ITGAX: variants seen among roughly 807,000 people sequenced by gnomAD.
ITGAX encodes integrin alpha-X.
ITGAX carries 99 observed loss-of-function variants against 140.2 expected under a neutral mutation model. The ratio of observed to expected loss-of-function variants is 0.71; its 90% CI spans 0.60 to 0.83. The LOEUF is 0.83. ITGAX is among the 40% of genes least tolerant of loss of function. The pLI, the probability that ITGAX is intolerant of heterozygous loss-of-function variation, is 0.00. For synonymous variants in ITGAX, 631 were observed against 600.4 expected (o/e 1.05, Z -0.75); for missense variants, 1,444 against 1,482.0 (o/e 0.97, Z 0.42).
chr16:31,377,345 C>A, intron 23 of ITGAX, 80 bp downstream of exon 23: 1 of 1,144,624 alleles, frequency 8.7e-7, no homozygotes, highest in Non-Finnish European at 1.3e-6. Flanking sequence ...CCTTGAAACG[C>A]TGCCACAGAG....
At position 31,359,760 on chromosome 16, in the gene ITGAX, C is replaced by T; in HGVS notation, c.491C>T (p.Ser164Phe). Reference protein sequence around the residue: ...FLIDGSGSISSRNFATMMNFV... With the variant: ...FLIDGSGSISFRNFATMMNFV... Reference sequence around the variant, plus strand: ...ATCGATGGCTCAGGCAGCATCTCCTCCCGCAACTTTGCCACGATGATGAAC... The same window carrying T: ...ATCGATGGCTCAGGCAGCATCTCCTTCCGCAACTTTGCCACGATGATGAAC... Residue 164 changes from serine (S) to phenylalanine (F), a missense_variant, in exon 6 of 30, where the codon TCC (serine) becomes TTC (phenylalanine). Transcript: ENST00000268296. 1 of 1,614,150 alleles carries T rather than the reference C, an allele frequency of 6.2e-7. No individual in the cohort carries two copies. Among genetic ancestry groups the T allele is most frequent in the South Asian group, 1.1e-5 (1 of 91,086 alleles).
At chr16:31,370,786 C>T (rs1414074882) in intron 14 of ITGAX, among the ~76,000 whole-genome samples, 2 of 152,116 alleles carry the variant, frequency 1.3e-5, no homozygotes, top group African/African-American at 4.8e-5. Context: ...CAGATTGAGT[C>T]CTTGCCCACG....
rs2080835397 is a variant in ITGAX, at chr16:31,362,186, A to C, written c.1198A>C (p.Met400Leu). ...FINMSQENVDMRDSYLGYSTE... is the reference protein window; with the variant it reads ...FINMSQENVDLRDSYLGYSTE... ...CAACATGTCTCAGGAGAATGTGGACATGAGGGACTCTTACCTGGGTGAGAA... is the reference window on the plus strand; with the variant it reads ...CAACATGTCTCAGGAGAATGTGGACCTGAGGGACTCTTACCTGGGTGAGAA... The change falls in exon 11 of 30, where the codon ATG (methionine) becomes CTG (leucine). Residue 400 changes from methionine to leucine, a missense_variant. Physicochemically the swap from Met to Leu is conservative, Grantham distance 15. Coordinates refer to ENST00000268296, the MANE Select transcript of ITGAX (RefSeq NM_000887.5). 2 of 1,613,594 alleles carry C rather than the reference A, an allele frequency of 1.2e-6. No homozygotes were observed. The highest frequency in any genetic ancestry group is 1.7e-6 in the Non-Finnish European group (2 of 1,179,738).
rs957994501 is a variant in ITGAX at position 31,371,355 on chromosome 16, G to A, written c.1863G>A (p.Val621=). Residue 621 remains valine (V), a synonymous_variant, in exon 16 of 30, where the codon GTG becomes GTA. Coordinates refer to ENST00000268296, the MANE Select transcript of ITGAX (RefSeq NM_000887.5). ...LLLRTRPVLW[V]GVSMQFIPAE... Reference sequence around the variant, plus strand: ...GCAGGACCAGACCTGTGCTCTGGGTGGGGGTGAGCATGCAGTTCATACCTG... The same window carrying A: ...GCAGGACCAGACCTGTGCTCTGGGTAGGGGTGAGCATGCAGTTCATACCTG... 1.1e-5 allele frequency: 17 copies of A among 1,614,042 alleles called. No individual in the cohort carries two copies. The highest frequency in any genetic ancestry group is 4.0e-5 in the African/African-American group (3 of 74,936).
At chr16:31,377,365 A>G (rs1377116891) in intron 23 of ITGAX, 100 bp downstream of exon 23, 4 of 955,014 alleles carry the variant, frequency 4.2e-6, no homozygotes, top group African/African-American at 1.7e-5. Context: ...GGGTGAGATA[A>G]GGTGTTTGAA....
At position 31,363,369 on chromosome 16, in the gene ITGAX, A is replaced by T; in HGVS notation, c.1705A>T (p.Ser569Cys). The change falls in exon 14 of 30, where the codon AGC (serine) becomes TGC (cysteine). Residue 569 changes from serine to cysteine, a missense_variant. Ser to Cys is a moderately radical substitution (Grantham distance 112). Coordinates refer to ENST00000268296, the MANE Select transcript of ITGAX (RefSeq NM_000887.5). ...VLGPSISPSH[S>C]QRIAGSQLSS... ...GGGACCCAGCATCAGCCCCTCCCAC[A>T]GCCAGGTGAGGCCGTGTCCCATTTC... is the stretch of plus-strand genomic sequence containing the variant. 6.2e-7 allele frequency: 1 copy of T among 1,613,736 alleles called. No individual in the cohort carries two copies. The highest frequency in any genetic ancestry group is 8.5e-7 in the Non-Finnish European group (1 of 1,179,742).
chr16:31,371,265 G>C, intron 15 of ITGAX, 51 bp downstream of exon 15: 2 of 1,606,586 alleles, frequency 1.2e-6, no homozygotes, highest in East Asian at 2.2e-5. Flanking sequence ...GGTTCAGATG[G>C]GGGTGCCCAC....
At position 31,382,426 on chromosome 16, in the gene ITGAX, A is replaced by G; in HGVS notation, c.*519A>G. On this transcript the variant is annotated 3_prime_UTR_variant, in exon 30 of 30. Coordinates refer to ENST00000268296, the MANE Select transcript of ITGAX (RefSeq NM_000887.5). ...TCGCCCGGCCCGATCTTTCTAAAAT[A>G]CAGTTCTGAATATGCTGCTCATCCC... 6.5e-7 allele frequency: 1 copy of G among 1,534,972 alleles called. No homozygotes were observed. Among genetic ancestry groups the G allele is most frequent in the African/African-American group, 1.4e-5 (1 of 73,006 alleles).
In ITGAX at chr16:31,363,198, G is replaced by A. The variant is rs754794366; in HGVS notation, c.1534G>A (p.Gly512Arg). 27 of 1,612,166 alleles carry A rather than the reference G, an allele frequency of 1.7e-5. No homozygotes were observed. The highest frequency in any genetic ancestry group is 2.7e-5 in the African/African-American group (2 of 74,844). ...GTGGTGGTGTGATGCTGTTCTCTAC[G>A]GGGAGCAGGGCCACCCCTGGGGTCG... ...RRWWCDAVLY[G>R]EQGHPWGRFG... Residue 512 changes from glycine (G) to arginine (R), a missense_variant, in exon 14 of 30, where the codon GGG becomes AGG. Coordinates refer to ENST00000268296, the MANE Select transcript of ITGAX (RefSeq NM_000887.5).
Position 31,373,374 on chromosome 16 carries a change from A to G in ITGAX, c.2492A>G (p.Tyr831Cys). Residue 831 changes from tyrosine (Y) to cysteine (C), a missense_variant, in exon 20 of 30, where the codon TAC becomes TGC. By Grantham distance (194) the Tyr-to-Cys change is radical (BLOSUM62 -2). Coordinates refer to ENST00000268296, the MANE Select transcript of ITGAX (RefSeq NM_000887.5). ...FSHPAGLSYR[Y>C]VAEGQKQGQL... ...CACCCCGCAGGACTGTCCTACCGCT[A>G]CGTGGCAGAGGGCCAGGTGCACCCT... 2 of 1,611,734 alleles carry G rather than the reference A, an allele frequency of 1.2e-6. No individual in the cohort carries two copies. Among genetic ancestry groups the G allele is most frequent in the Non-Finnish European group, 1.7e-6 (2 of 1,179,218 alleles).
chr16:31,357,232 A>T, intron 4 of ITGAX, 21 bp from the exon 5 acceptor site: 1 of 1,570,248 alleles, frequency 6.4e-7, no homozygotes, highest in Non-Finnish European at 8.7e-7. Flanking sequence ...GCAGCCCCCC[A>T]GCAGCCCGCT....
Position 31,371,200 on chromosome 16 carries a change from G to A in ITGAX, c.1827G>A (p.Gln609=), listed in dbSNP as rs768706286. Residue 609 remains glutamine, a synonymous_variant, in exon 15 of 30, where the codon CAG becomes CAA. Coordinates refer to ENST00000268296, the MANE Select transcript of ITGAX (RefSeq NM_000887.5). ...LVDLAVGARG[Q]VLLLRTRPVL... Reference sequence around the variant, plus strand: ...ACCTGGCTGTGGGGGCCCGGGGCCAGGTGCTCCTGCTCAGGTGAGAGCAGC... The same window carrying A: ...ACCTGGCTGTGGGGGCCCGGGGCCAAGTGCTCCTGCTCAGGTGAGAGCAGC... 3 of 1,609,746 alleles carry A rather than the reference G, an allele frequency of 1.9e-6. No individual in the cohort carries two copies. Among genetic ancestry groups the A allele is most frequent in the South Asian group, 2.2e-5 (2 of 90,628 alleles).
In ITGAX at chr16:31,371,704, G is replaced by C; in HGVS notation, c.2080G>C (p.Glu694Gln). 6.2e-7 allele frequency: 1 copy of C among 1,614,126 alleles called. No homozygotes were observed. The highest frequency in any genetic ancestry group is 2.2e-5 in the East Asian group (1 of 44,858). Reference sequence around the variant, plus strand: ...CCTGAGTCCCCGTGCCACCTTCCAGGAAACAAAGAACCGGAGTCTGAGCCG... The same window carrying C: ...CCTGAGTCCCCGTGCCACCTTCCAGCAAACAAAGAACCGGAGTCTGAGCCG... ...GRLSPRATFQ[E>Q]TKNRSLSRVR... Residue 694 changes from glutamate (E) to glutamine (Q), a missense_variant, in exon 17 of 30, where the codon GAA (glutamate) becomes CAA (glutamine). Transcript: ENST00000268296.
rs772460810 is a variant in ITGAX at position 31,382,401 on chromosome 16, T to A, written c.*494T>A. 252 of 1,532,060 alleles carry A rather than the reference T, an allele frequency of 1.6e-4. No individual in the cohort carries two copies. The highest frequency in any genetic ancestry group is 2.1e-4 in the Non-Finnish European group (241 of 1,143,776). The allele number at this position is 1,532,060 out of a possible 1,614,324, so 94.9% of individuals were successfully genotyped here. ...GCTGGGACTACAGGCACACGCCACC[T>A]CGCCCGGCCCGATCTTTCTAAAATA... On this transcript the variant is annotated 3_prime_UTR_variant, in exon 30 of 30. Transcript: ENST00000268296.
chr16:31,371,323 T>G lies in ITGAX; in HGVS notation c.1842-11T>G, dbSNP rs1369603464. 2 of 1,613,458 alleles carry G rather than the reference T, an allele frequency of 1.2e-6. No individual in the cohort carries two copies. Among genetic ancestry groups the G allele is most frequent in the Non-Finnish European group, 1.7e-6 (2 of 1,179,632 alleles). ...CGACGGCCTGTCCTCAGCTCGGTGCTCTGCCCGCAGGACCAGACCTGTGCT... is the reference window on the plus strand; with the variant it reads ...CGACGGCCTGTCCTCAGCTCGGTGCGCTGCCCGCAGGACCAGACCTGTGCT... On this transcript the variant is annotated splice_polypyrimidine_tract_variant and intron_variant, in intron 15 of 29. Transcript: ENST00000268296.
In ITGAX at chr16:31,361,213, G is replaced by C. The variant is rs778912379; in HGVS notation, c.1012G>C (p.Gly338Arg). ...GAAGGAGAAGATCTTTGCCATTGAG[G>C]GTGAGTCTGAAGGGAGCTCTTCGCT... The part of the protein sequence containing the change: ...QLKEKIFAIE[G>R]TETTSSSSFE... The change falls in exon 9 of 30, where the codon GGT becomes CGT. Residue 338 changes from glycine (G) to arginine (R), a missense_variant and splice_region_variant. Transcript: ENST00000268296. 2.5e-6 allele frequency: 4 copies of C among 1,610,166 alleles called. No individual in the cohort carries two copies. The highest frequency in any genetic ancestry group is 3.4e-6 in the Non-Finnish European group (4 of 1,177,942).
chr16:31,355,364 C>T (rs2080747808), intron 1 of ITGAX, 73 bp downstream of exon 1: 8 of 1,532,754 alleles, frequency 5.2e-6, no homozygotes, highest in African/African-American at 1.4e-5. Flanking sequence ...ACTGGGGGCT[C>T]AGGCTGGGGG....
intron 14 of ITGAX, among the ~76,000 whole-genome samples, chr16:31,369,289 AC>A (rs34126382): frequency 0.26 from 31,384 of 120,344 alleles, 3,915 homozygotes; most frequent in African/African-American, 0.36. Context: ...CGGGGGGCTG[AC>A]CCCCCCCCCC....
chr16:31,357,421 C>G (rs2080775936), intron 5 of ITGAX, 57 bp downstream of exon 5: 1 of 1,156,006 alleles, frequency 8.7e-7, no homozygotes, highest in Non-Finnish European at 1.3e-6. Context: ...ATTGGGGGTG[C>G]GGTGGGCTAG....
Sources: allele counts gnomAD v4.1 joint callset (sites outside exome capture counted in the v4.1 genomes callset), GRCh38; gene constraint gnomAD v4.1.1; transcripts MANE v1.5; gene names NCBI Gene and HGNC (gene_info 2026-07-23, HGNC 2026-07-21).